The following SV2B variants were observed in gnomAD, a reference collection of about 807,000 sequenced individuals.
The protein encoded by SV2B is solute carrier family 22 member B2.
Under a neutral mutation model 73.9 loss-of-function variants are expected in SV2B, and 41 were observed. The observed-to-expected ratio is 0.56, with a 90% CI of 0.43 to 0.72. The LOEUF (loss-of-function observed/expected upper bound fraction) is 0.72, where lower values mean the gene tolerates loss of function less well. Among genes scored for constraint, SV2B ranks in the 30% least tolerant of loss-of-function variants. The probability of loss-of-function intolerance (pLI) is 0.00; values close to 1 mark genes in which losing one functional copy is unlikely to be tolerated. For missense variants in SV2B, 764 were observed against 857.8 expected (o/e 0.89, Z 1.37); for synonymous variants, 314 against 314.2 (o/e 1.00, Z 0.01).
At chr15:91,149,743 C>T (rs1299236216) in intron 1 of SV2B, among the ~76,000 whole-genome samples, 2 of 152,166 alleles carry the variant, frequency 1.3e-5, no homozygotes, top group Non-Finnish European at 1.5e-5. Context: ...AAGGATTTGC[C>T]CAAGTCATCC....
chr15:91,179,099 T>C, intron 1 of SV2B, among the ~76,000 whole-genome samples: 1 of 152,070 alleles, frequency 6.6e-6, no homozygotes, highest in Non-Finnish European at 1.5e-5. Context: ...TGTGTCTTTG[T>C]TCTCGTTGGT....
intron 1 of SV2B, among the ~76,000 whole-genome samples, chr15:91,205,117 T>G (rs2045588906): frequency 6.6e-6 from 1 of 152,232 alleles, no homozygotes; most frequent in African/African-American, 2.4e-5. Context: ...CTGTTTTTCC[T>G]CTTTTGTCTC....
rs1227032875 is a variant in SV2B, at chr15:91,268,669, G to A, written c.1373+64G>A. The A allele has an allele frequency of 1.9e-6, 3 of 1,546,352 alleles. No individual in the cohort carries two copies. In the African/African-American group the frequency reaches 4.1e-5, roughly 21 times the overall value. Reference sequence around the variant, plus strand: ...ACAGTCGTGGGGACTGTTATTGGGAGGGAGCCGGAGGGAAGATAAGAATCA... The same window carrying A: ...ACAGTCGTGGGGACTGTTATTGGGAAGGAGCCGGAGGGAAGATAAGAATCA... On this transcript the variant is annotated intron_variant, in intron 9 of 12. Transcript: ENST00000394232. The surrounding 1 kb of genome is among the most constrained non-coding windows in gnomAD (Gnocchi z 4.4).
chr15:91,211,544 C>T (rs1215870095), intron 1 of SV2B, among the ~76,000 whole-genome samples: 1 of 150,276 alleles, frequency 6.7e-6, no homozygotes, highest in Non-Finnish European at 1.5e-5. Flanking sequence ...CGCTCTGTCG[C>T]CCAGGCTGGA....
chr15:91,113,042 G>T (rs767306948), intron 1 of SV2B, among the ~76,000 whole-genome samples: 5 of 152,118 alleles, frequency 3.3e-5, no homozygotes, highest in Non-Finnish European at 5.9e-5. Flanking sequence ...ATTTTGCCCA[G>T]ACTAGTCCTG....
rs1304413642 is a variant in SV2B at position 91,223,629 on chromosome 15, A to G, written c.-391-2244A>G. Among the ~76,000 whole-genome samples, 1 of 152,162 alleles carries G rather than the reference A, an allele frequency of 6.6e-6. No homozygotes were observed. The highest frequency in any genetic ancestry group is 1.5e-5 in the Non-Finnish European group (1 of 68,038). ...CAGGTGGCGTTCTTTCCATGTTTTT[A>G]TAGCGCTCTGCAAACTCTCCTGCTG... is the stretch of plus-strand genomic sequence containing the variant. On this transcript the variant is annotated intron_variant, in intron 1 of 12. Transcript: ENST00000394232. This position sits in a 1 kb window ranked among gnomAD's most constrained non-coding sequence, Gnocchi z 4.6.
chr15:91,254,570 C>G (rs576387186), intron 4 of SV2B, among the ~76,000 whole-genome samples: 24 of 152,202 alleles, frequency 1.6e-4, no homozygotes, highest in Non-Finnish European at 2.6e-4. Context: ...ATTGAAAAAC[C>G]TTTTATGGAG....
chr15:91,160,381 GCAGATCACTTGAGGC>G (rs2043669053), intron 1 of SV2B, among the ~76,000 whole-genome samples: 1 of 152,342 alleles, frequency 6.6e-6, no homozygotes, highest in East Asian at 1.9e-4. Context: ...ACCAAGGCAG[GCAGATCACTTGAGGC>G]CAGGAGTTTG....
chr15:91,268,562 A>G lies in SV2B; in HGVS notation c.1330A>G (p.Met444Val). 6.2e-7 allele frequency: 1 copy of G among 1,613,812 alleles called. No homozygotes were observed. The highest frequency in any genetic ancestry group is 8.5e-7 in the Non-Finnish European group (1 of 1,179,714). The change falls in exon 9 of 13, where the codon ATG becomes GTG. Residue 444 changes from methionine to valine, a missense_variant. Physicochemically the swap from Met to Val is conservative, Grantham distance 21 (BLOSUM62 1). Coordinates refer to ENST00000394232, the MANE Select transcript of SV2B (RefSeq NM_001323032.3). This position sits in a 1 kb window ranked among gnomAD's most constrained non-coding sequence, Gnocchi z 4.4. ...HVYGATINFT[M>V]ENQIHQHGKL... ...GTACGGCGCCACAATCAACTTCACG[A>G]TGGAAAATCAGATCCACCAACATGG...
rs779667107 is a variant in SV2B at position 91,260,326 on chromosome 15, A to G, written c.925A>G (p.Lys309Glu). 1 of 1,610,114 alleles carries G rather than the reference A, an allele frequency of 6.2e-7. No individual in the cohort carries two copies. The highest frequency in any genetic ancestry group is 8.5e-7 in the Non-Finnish European group (1 of 1,178,992). Residue 309 changes from lysine (K) to glutamate (E), a missense_variant, in exon 6 of 13, where the codon AAA becomes GAA. Lys to Glu is a moderately conservative substitution (Grantham distance 56). Coordinates refer to ENST00000394232, the MANE Select transcript of SV2B (RefSeq NM_001323032.3). ...CTTTCCTTGGTTTCACCAGATGGGC[A>G]AACATGATGAAGCCTGGATGATTCT... ...ESPRFLLEMG[K>E]HDEAWMILKQ... is the part of the protein sequence containing the mutation.
intron 1 of SV2B, among the ~76,000 whole-genome samples, chr15:91,135,706 C>G (rs1404162270): frequency 6.6e-6 from 1 of 152,222 alleles, no homozygotes; most frequent in Non-Finnish European, 1.5e-5. Flanking sequence ...TGAGCCGTTA[C>G]TGTGTTTCTG....
chr15:91,161,789 C>G (rs952133962), intron 1 of SV2B, among the ~76,000 whole-genome samples: 11 of 152,302 alleles, frequency 7.2e-5, no homozygotes, highest in Non-Finnish European at 1.5e-4. Context: ...GTGTGTTAAT[C>G]TGGTATTCAG....
intron 1 of SV2B, among the ~76,000 whole-genome samples, chr15:91,116,527 T>G (rs142598138): frequency 6.6e-6 from 1 of 152,330 alleles, no homozygotes; most frequent in Non-Finnish European, 1.5e-5. Context: ...CACTTCACAA[T>G]GACAGGATTG....
chr15:91,263,540 T>G (rs2047997765), intron 6 of SV2B, among the ~76,000 whole-genome samples: 1 of 134,832 alleles, frequency 7.4e-6, no homozygotes, highest in South Asian at 2.4e-4. Context: ...AGACACACAT[T>G]AAGACAGACA....
chr15:91,173,406 C>T (rs1247444501), intron 1 of SV2B, among the ~76,000 whole-genome samples: 2 of 152,170 alleles, frequency 1.3e-5, no homozygotes, highest in East Asian at 3.8e-4. Context: ...TAGGCAGGGT[C>T]TGATCTTACC....
rs141399241 is a variant in SV2B at position 91,129,529 on chromosome 15, C to A, written c.-392+29166C>A. Among the ~76,000 whole-genome samples the A allele has an allele frequency of 3.9e-5, 6 of 152,232 alleles. No individual in the cohort carries two copies. In the East Asian group the frequency reaches 1.2e-3, roughly 29 times the overall value. The stretch of plus-strand genomic sequence containing the variant: ...GTATGGCCCTAGTGCATGGATGAAG[C>A]TGCAAGGGTGGACAGAACCAAAACA... On this transcript the variant is annotated intron_variant, in intron 1 of 12. Coordinates refer to ENST00000394232, the MANE Select transcript of SV2B (RefSeq NM_001323032.3). This position sits in a 1 kb window ranked among gnomAD's most constrained non-coding sequence, Gnocchi z 5.1.
rs143122284 is a variant in SV2B at position 91,264,898 on chromosome 15, C to T, written c.1009-1684C>T. On this transcript the variant is annotated intron_variant, in intron 6 of 12. Coordinates refer to ENST00000394232, the MANE Select transcript of SV2B (RefSeq NM_001323032.3). ...ACTAAGCTCTGAGGCATAACTTCTGCTTTTAGTTTTAACCCAACAGGAAGA... is the reference window on the plus strand; with the variant it reads ...ACTAAGCTCTGAGGCATAACTTCTGTTTTTAGTTTTAACCCAACAGGAAGA... Among the ~76,000 whole-genome samples, 532 of 152,126 alleles carry T rather than the reference C, an allele frequency of 3.5e-3. 2 individuals are homozygous for T. Among genetic ancestry groups the T allele is most frequent in the African/African-American group, 0.012 (496 of 41,488 alleles).
At chr15:91,160,495 C>G (rs2043674576) in intron 1 of SV2B, among the ~76,000 whole-genome samples, 1 of 152,134 alleles carries the variant, frequency 6.6e-6, no homozygotes, top group African/African-American at 2.4e-5. Flanking sequence ...ATAGTCCCAG[C>G]TACTGGGGAG....
Position 91,226,593 on chromosome 15 carries a change from C to T in SV2B, c.330C>T (p.Ile110=), listed in dbSNP as rs551275004. ...GTGGCCATGGCCGCTTCCAGTGGAT[C>T]CTCTTTTTCGTCTTGGGTTTGGCCC... ...DECGHGRFQW[I]LFFVLGLALM... The change falls in exon 2 of 13, where the codon ATC becomes ATT. Residue 110 remains isoleucine, a synonymous_variant. Coordinates refer to ENST00000394232, the MANE Select transcript of SV2B (RefSeq NM_001323032.3). 1.9e-6 allele frequency: 3 copies of T among 1,614,194 alleles called. No individual in the cohort carries two copies. The highest frequency in any genetic ancestry group is 1.6e-4 in the Middle Eastern group (1 of 6,062).
Sources: gnomAD v4.1 joint callset for allele counts (sites outside exome capture counted in the v4.1 genomes callset) on GRCh38, gnomAD v4.1.1 for gene constraint, Gnocchi (gnomAD v3.1) non-coding constraint, MANE v1.5 for transcripts, NCBI Gene and HGNC (gene_info 2026-07-23, HGNC 2026-07-21) for gene names.